PPFIBP2: variants seen among roughly 807,000 people sequenced by gnomAD.
PPFIBP2 encodes the protein PPFIB scaffold protein 2.
PPFIBP2 carries 118 observed loss-of-function variants against 118.3 expected under a neutral mutation model. The observed-to-expected ratio is 1.00, with a 90% confidence interval of 0.86 to 1.16. The LOEUF (loss-of-function observed/expected upper bound fraction) is 1.16. Ranked by LOEUF, PPFIBP2 falls within the 50% of genes most tolerant of loss-of-function variation. The pLI, the probability that PPFIBP2 is intolerant of heterozygous loss-of-function variation, is 0.00. For synonymous variants in PPFIBP2, 414 were observed against 397.4 expected, an observed-to-expected ratio of 1.04 and a Z score of -0.50; for missense variants, 1,195 against 1,073.1, an observed-to-expected ratio of 1.11 and a Z score of -1.59.
chr11:7,580,294 C>A (rs992485990), intron 3 of PPFIBP2, among the ~76,000 whole-genome samples: 1 of 152,220 alleles, frequency 6.6e-6, no homozygotes, highest in Non-Finnish European at 1.5e-5. Context: ...TGCAGCACTT[C>A]CCATCTGCAT....
chr11:7,641,463 C>T lies in PPFIBP2; in HGVS notation c.1376-16C>T, dbSNP rs747775958. ...ACATCCTTACATTCACATTCATTGC[C>T]TTCTTCCAATCTCAGGAGACACAGA... On this transcript the variant is annotated splice_polypyrimidine_tract_variant and intron_variant, in intron 15 of 23. Transcript: ENST00000299492. 4.3e-6 allele frequency: 7 copies of T among 1,613,496 alleles called. No individual in the cohort carries two copies. Among genetic ancestry groups the T allele is most frequent in the South Asian group, 1.1e-5 (1 of 90,986 alleles).
At chr11:7,587,815 T>A (rs902569746) in intron 3 of PPFIBP2, among the ~76,000 whole-genome samples, 12 of 152,192 alleles carry the variant, frequency 7.9e-5, no homozygotes, top group Admixed American at 5.9e-4. Flanking sequence ...GAGATGAGGA[T>A]CTTTCTAAGA....
chr11:7,569,447 AGAAGT>A (rs1855404141), intron 3 of PPFIBP2, among the ~76,000 whole-genome samples: 1 of 152,310 alleles, frequency 6.6e-6, no homozygotes, highest in East Asian at 1.9e-4. Flanking sequence ...TATAATGAGG[AGAAGT>A]GGGCTCTGGG....
At chr11:7,658,323 A>T (rs547855060), downstream of PPFIBP2, among the ~76,000 whole-genome samples, 49 of 108,056 alleles carry the variant, frequency 4.5e-4, no homozygotes, top group Non-Finnish European at 5.4e-4. Flanking sequence ...CAGTCCCCAG[A>T]GTGTGATATT....
chr11:7,598,031 T>C (rs4758205), intron 5 of PPFIBP2: 130,888 of 193,192 alleles, frequency 0.68, 45,600 homozygotes, highest in Middle Eastern at 0.84. Context: ...TCTCAGCTGA[T>C]TCTATGCCCC....
chr11:7,561,513 A>C (rs1240179508), intron 2 of PPFIBP2, among the ~76,000 whole-genome samples: 2 of 151,886 alleles, frequency 1.3e-5, no homozygotes, highest in Non-Finnish European at 2.9e-5. Context: ...CTCAGTTTTG[A>C]CCTATCTTCT....
intron 9 of PPFIBP2, 65 bp downstream of exon 9, chr11:7,628,411 G>T: frequency 1.4e-6 from 2 of 1,417,012 alleles, no homozygotes; most frequent in Non-Finnish European, 2.0e-6. Flanking sequence ...TTTGGTCCCT[G>T]CTGGTCTCTG....
At chr11:7,583,552 C>T (rs1857586375) in intron 3 of PPFIBP2, among the ~76,000 whole-genome samples, 1 of 152,180 alleles carries the variant, frequency 6.6e-6, no homozygotes, top group Non-Finnish European at 1.5e-5. Context: ...CCTCTCATTA[C>T]AGGATACCAG....
chr11:7,585,949 A>C (rs933590303), intron 3 of PPFIBP2, among the ~76,000 whole-genome samples: 27 of 152,246 alleles, frequency 1.8e-4, no homozygotes, highest in Admixed American at 5.9e-4. Flanking sequence ...TGTATGTAGC[A>C]CATAATACTT....
chr11:7,667,188 A>G, the PPFIBP2 span: 3 of 152,264 alleles, frequency 2.0e-5, no homozygotes, highest in East Asian at 1.9e-4. Context: ...CGTAGGCACA[A>G]TTATTCATCA....
At chr11:7,548,967 G>A (rs889275567) in intron 1 of PPFIBP2, among the ~76,000 whole-genome samples, 2 of 152,190 alleles carry the variant, frequency 1.3e-5, no homozygotes, top group African/African-American at 4.8e-5. Context: ...AAGCACTGCA[G>A]GCCTAGGGCA....
intron 3 of PPFIBP2, among the ~76,000 whole-genome samples, chr11:7,572,477 T>G (rs1012529653): frequency 1.3e-5 from 2 of 152,242 alleles, no homozygotes; most frequent in African/African-American, 2.4e-5. Context: ...AACCAATGTT[T>G]ATAAATGACC....
intron 13 of PPFIBP2, 68 bp downstream of exon 13, chr11:7,634,620 A>T: frequency 1.6e-6 from 2 of 1,235,162 alleles, no homozygotes; most frequent in Non-Finnish European, 2.4e-6. Flanking sequence ...GTACTGGGAT[A>T]TACAGGCAGG....
intron 3 of PPFIBP2, among the ~76,000 whole-genome samples, chr11:7,581,190 C>T (rs1030197653): frequency 3.9e-5 from 6 of 152,216 alleles, no homozygotes; most frequent in Non-Finnish European, 1.5e-5. Flanking sequence ...CAGAGGGACT[C>T]AGTCACAAAC....
At chr11:7,595,121 C>T (rs1169540911) in intron 4 of PPFIBP2, among the ~76,000 whole-genome samples, 1 of 152,082 alleles carries the variant, frequency 6.6e-6, no homozygotes, top group African/African-American at 2.4e-5. Context: ...GCAGAGCAGG[C>T]AGTCAGTCCA....
At chr11:7,609,463 G>A (rs546696552) in intron 5 of PPFIBP2, among the ~76,000 whole-genome samples, 1 of 152,162 alleles carries the variant, frequency 6.6e-6, no homozygotes, top group South Asian at 2.1e-4. Context: ...TTTAGGAAAT[G>A]CTCCTGATTT....
chr11:7,644,554 CT>C lies in PPFIBP2; in HGVS notation c.1646+2129del, dbSNP rs1380211668. Among the ~76,000 whole-genome samples, 6 of 152,250 alleles carry C rather than the reference CT, an allele frequency of 3.9e-5. No individual in the cohort carries two copies. In the East Asian group the frequency reaches 7.7e-4, roughly 20 times the overall value. Reference sequence around the variant, plus strand: ...TTAGGAGAGGTCCCCAATCCTACTGCTCCCCTACCCTGGGCCCCATTTTGTT... The same window carrying C: ...TTAGGAGAGGTCCCCAATCCTACTGCCCCCTACCCTGGGCCCCATTTTGTT... On this transcript the variant is annotated intron_variant, in intron 17 of 23. Transcript: ENST00000299492.
Position 7,632,878 on chromosome 11 carries a change from A to T in PPFIBP2, c.1080A>T (p.Arg360Ser), listed in dbSNP as rs748595168. ...TGTCTCTGGTGCAGATGCCTCCAAG[A>T]TGTAGCTCTCCTACAGTGGGGCCAC... ...EELFKQEMPP[R>S]CSSPTVGPPP... is the part of the protein sequence containing the mutation. The change falls in exon 12 of 24, where the codon AGA becomes AGT. Residue 360 changes from arginine (R) to serine (S), a missense_variant. Transcript: ENST00000299492. 5.6e-6 allele frequency: 9 copies of T among 1,613,726 alleles called. No homozygotes were observed. The South Asian group carries it at 8.8e-5, about 16-fold the overall frequency.
intron 1 of PPFIBP2, among the ~76,000 whole-genome samples, chr11:7,547,864 A>G (rs1852501675): frequency 6.6e-6 from 1 of 151,928 alleles, no homozygotes; most frequent in African/African-American, 2.4e-5. Flanking sequence ...CCCCCTCCAC[A>G]AGCATGGTTG....
Sources: gnomAD v4.1 joint callset for allele counts (sites outside exome capture counted in the v4.1 genomes callset) on GRCh38, gnomAD v4.1.1 for gene constraint, MANE v1.5 for transcripts, NCBI Gene and HGNC (gene_info 2026-07-23, HGNC 2026-07-21) for gene names.